The following ITPR1 variants were observed in gnomAD, a reference collection of about 807,000 sequenced individuals.
ITPR1 encodes inositol 1,4,5-trisphosphate-gated calcium channel ITPR1.
In ITPR1, 96 loss-of-function variants were observed where a neutral mutation model predicts 318.4. The ratio of observed to expected loss-of-function variants is 0.30; its 90% confidence interval spans 0.26 to 0.36. The LOEUF (loss-of-function observed/expected upper bound fraction) is 0.36, where lower values mean the gene tolerates loss of function less well. ITPR1 is among the 10% of genes least tolerant of loss of function. ITPR1 has a pLI of 1.00. For missense variants in ITPR1, 2,440 were observed against 3,460.2 expected (o/e 0.71, Z 7.40); for synonymous variants, 1,312 against 1,289.9 (o/e 1.02, Z -0.37).
chr3:4,559,131 C>T (rs942759226), intron 4 of ITPR1, among the ~76,000 whole-genome samples: 1 of 151,490 alleles, frequency 6.6e-6, no homozygotes, highest in Admixed American at 6.6e-5. Flanking sequence ...TAGTTAACTA[C>T]AGCATGTGCA....
intron 55 of ITPR1, 110 bp from the exon 56 acceptor site, chr3:4,811,155 T>C: frequency 3.1e-6 from 2 of 635,870 alleles, no homozygotes; most frequent in Non-Finnish European, 5.2e-6. Context: ...TATGTAGTGC[T>C]TTTGAGTGTC....
chr3:4,703,536 C>G lies in ITPR1; in HGVS notation c.4657+586C>G, dbSNP rs562857886. On this transcript the variant is annotated intron_variant, in intron 36 of 61. Transcript: ENST00000649015. ...CCATGACTTGACCCATTCCCCACCCCCTATTAATGTTGTGCAAAGAGGTAA... is the reference window on the plus strand; with the variant it reads ...CCATGACTTGACCCATTCCCCACCCGCTATTAATGTTGTGCAAAGAGGTAA... Among the ~76,000 whole-genome samples the G allele has an allele frequency of 4.1e-4, 62 of 152,264 alleles. 1 individual carries two copies. The South Asian group carries it at 0.012, about 31-fold the overall frequency.
At chr3:4,605,026 C>T (rs531886434) in intron 4 of ITPR1, among the ~76,000 whole-genome samples, 1 of 152,050 alleles carries the variant, frequency 6.6e-6, no homozygotes, top group East Asian at 1.9e-4. Flanking sequence ...GGCTGAAGTG[C>T]GGTGACACAA....
chr3:4,710,312 G>A lies in ITPR1; in HGVS notation c.4843-13G>A. On this transcript the variant is annotated splice_polypyrimidine_tract_variant and intron_variant, in intron 37 of 61. Coordinates refer to ENST00000649015, the MANE Select transcript of ITPR1 (RefSeq NM_001378452.1). This position sits in a 1 kb window ranked among gnomAD's most constrained non-coding sequence, Gnocchi z 4.2. ...TGCCTGAGCCGTTGACTGAGGCTGT[G>A]TTTCCGTTTTAGGACATCGTCTCCG... 1 of 1,534,584 alleles carries A rather than the reference G, an allele frequency of 6.5e-7. No individual in the cohort carries two copies. The highest frequency in any genetic ancestry group is 8.8e-7 in the Non-Finnish European group (1 of 1,132,960).
intron 46 of ITPR1, among the ~76,000 whole-genome samples, chr3:4,774,540 C>T (rs1483217646): frequency 6.6e-6 from 1 of 152,168 alleles, no homozygotes. Context: ...CAAAAATCTC[C>T]TCATTAAAAT....
At chr3:4,640,996 C>T (rs1299823280) in intron 6 of ITPR1, among the ~76,000 whole-genome samples, 2 of 152,166 alleles carry the variant, frequency 1.3e-5, no homozygotes, top group African/African-American at 4.8e-5. Flanking sequence ...ATGGATCAGA[C>T]AGGTTATTCT....
In ITPR1 at chr3:4,811,411, T is replaced by A. The variant is rs2048931763; in HGVS notation, c.7419T>A (p.Asp2473Glu). 1 of 1,614,070 alleles carries A rather than the reference T, an allele frequency of 6.2e-7. No individual in the cohort carries two copies. The highest frequency in any genetic ancestry group is 8.5e-7 in the Non-Finnish European group (1 of 1,179,892). Reference sequence around the variant, plus strand: ...TAGTGGGCTATCTTTTCTTCAAGGATGACTTTATCTTGGAAGTAGATAGGC... The same window carrying A: ...TAGTGGGCTATCTTTTCTTCAAGGAAGACTTTATCTTGGAAGTAGATAGGC... ...FSIVGYLFFK[D>E]DFILEVDRLP... Residue 2473 changes from aspartate to glutamate, a missense_variant, in exon 56 of 62, where the codon GAT (aspartate) becomes GAA (glutamate). Transcript: ENST00000649015.
chr3:4,499,304 C>A (rs1269585685), intron 2 of ITPR1, among the ~76,000 whole-genome samples: 5 of 152,034 alleles, frequency 3.3e-5, no homozygotes, highest in African/African-American at 1.2e-4. Context: ...GTAAAATTTA[C>A]GTATATATTT....
At chr3:4,657,236 G>A (rs1037365489) in intron 12 of ITPR1, among the ~76,000 whole-genome samples, 3 of 152,044 alleles carry the variant, frequency 2.0e-5, no homozygotes, top group Non-Finnish European at 4.4e-5. Context: ...GGTTTATTTT[G>A]TTTTAGTTTT....
intron 42 of ITPR1, among the ~76,000 whole-genome samples, chr3:4,728,799 A>G (rs901460183): frequency 2.6e-5 from 4 of 152,170 alleles, no homozygotes; most frequent in Non-Finnish European, 5.9e-5. Flanking sequence ...TACTCTGCTC[A>G]CACACCCAGG....
chr3:4,670,940 G>T lies in ITPR1; in HGVS notation c.2204+14G>T, dbSNP rs529693973. On this transcript the variant is annotated intron_variant, in intron 20 of 61. Transcript: ENST00000649015. ...CAGCTACTACAGGTGCGTGGGACACGTGTGGGGCTCAGATTGGGGTGCCCC... is the reference window on the plus strand; with the variant it reads ...CAGCTACTACAGGTGCGTGGGACACTTGTGGGGCTCAGATTGGGGTGCCCC... 3.9e-6 allele frequency: 6 copies of T among 1,520,818 alleles called. No homozygotes were observed. Among genetic ancestry groups the T allele is most frequent in the East Asian group, 4.6e-5 (2 of 43,492 alleles). The allele number at this position is 1,520,818 out of a possible 1,614,324, so 94.2% of individuals were successfully genotyped here.
intron 4 of ITPR1, among the ~76,000 whole-genome samples, chr3:4,558,190 G>C (rs970168001): frequency 6.6e-6 from 1 of 152,090 alleles, no homozygotes; most frequent in Non-Finnish European, 1.5e-5. Flanking sequence ...ATCTTAATTG[G>C]ACATACAGCT....
intron 22 of ITPR1, 45 bp downstream of exon 22, chr3:4,674,388 T>A (rs1251738117): frequency 1.8e-5 from 28 of 1,522,002 alleles, no homozygotes; most frequent in Non-Finnish European, 2.5e-5. Flanking sequence ...TGCCTCTCAG[T>A]GGTCATTTTT....
In ITPR1 at chr3:4,739,245, G is replaced by C. The variant is rs561462095; in HGVS notation, c.5544+3891G>C. 3.3e-5 allele frequency among the ~76,000 whole-genome samples: 5 copies of C among 152,334 alleles called. No individual in the cohort carries two copies. In the East Asian group the frequency reaches 9.6e-4, roughly 29 times the overall value. ...CTAAGACCACAGTGTGGCAATTAAT[G>C]ATTGCTGAGATGCTTTGCTCCACTG... is the stretch of plus-strand genomic sequence containing the variant. On this transcript the variant is annotated intron_variant, in intron 44 of 61. Transcript: ENST00000649015.
At chr3:4,662,030 C>T (rs1404867353) in intron 14 of ITPR1, 52 bp from the exon 15 acceptor site, 1 of 1,516,504 alleles carries the variant, frequency 6.6e-7, no homozygotes, top group East Asian at 2.3e-5. Context: ...TGATTAAAGT[C>T]TTATCCTTCC....
At position 4,782,770 on chromosome 3, in the gene ITPR1, T is replaced by C. The variant is rs770662111; in HGVS notation, c.6510+29T>C. On this transcript the variant is annotated intron_variant, in intron 50 of 61. Coordinates refer to ENST00000649015, the MANE Select transcript of ITPR1 (RefSeq NM_001378452.1). ...TGATCTCTCCTGTGCCTCCTCTGGA[T>C]GCTGCCTCCCTACAGGTCCAAAATT... 97 of 1,434,366 alleles carry C rather than the reference T, an allele frequency of 6.8e-5. 1 individual carries two copies. The highest frequency in any genetic ancestry group is 1.0e-4 in the South Asian group (6 of 58,550). The allele number at this position is 1,434,366 out of a possible 1,614,324, so 88.9% of individuals were successfully genotyped here.
chr3:4,612,487 C>G (rs1426538457), intron 4 of ITPR1, among the ~76,000 whole-genome samples: 1 of 152,234 alleles, frequency 6.6e-6, no homozygotes, highest in African/African-American at 2.4e-5. Context: ...ATGACCAACT[C>G]ATGGCTAATC....
chr3:4,683,849 A>G (rs1269816970), intron 28 of ITPR1, 51 bp downstream of exon 28: 3 of 1,515,752 alleles, frequency 2.0e-6, no homozygotes, highest in Non-Finnish European at 2.7e-6. Flanking sequence ...GGCTTCTCGA[A>G]ACTAGGGAGC....
intron 44 of ITPR1, among the ~76,000 whole-genome samples, chr3:4,746,452 A>C (rs1266328361): frequency 6.6e-6 from 1 of 152,148 alleles, no homozygotes; most frequent in Non-Finnish European, 1.5e-5. Context: ...CCTTTGCTTC[A>C]TGTGGGACGT....
Sources: allele counts gnomAD v4.1 joint callset (sites outside exome capture counted in the v4.1 genomes callset), GRCh38; gene constraint gnomAD v4.1.1; non-coding constraint Gnocchi (gnomAD v3.1); transcripts MANE v1.5; gene names NCBI Gene and HGNC (gene_info 2026-07-23, HGNC 2026-07-21).